The following EBF3 variants were observed in gnomAD, a reference collection of about 807,000 sequenced individuals.
EBF3 encodes EBF transcription factor 3.
EBF3 carries 18 observed loss-of-function variants against 77.1 expected under a neutral mutation model. That is an observed-to-expected ratio of 0.23 (90% CI 0.16 to 0.35). The LOEUF is 0.35. Ranked by LOEUF, EBF3 falls within the 10% of genes least tolerant of loss-of-function variation. The probability of loss-of-function intolerance (pLI) is 1.00; values close to 1 mark genes in which losing one functional copy is unlikely to be tolerated. For synonymous variants in EBF3, 350 were observed against 343.5 expected, an observed-to-expected ratio of 1.02 and a Z score of -0.21; for missense variants, 558 against 860.0, an observed-to-expected ratio of 0.65 and a Z score of 4.39.
At chr10:129,956,746 T>C (rs1391893811) in intron 6 of EBF3, among the ~76,000 whole-genome samples, 4 of 152,216 alleles carry the variant, frequency 2.6e-5, no homozygotes, top group Non-Finnish European at 5.9e-5. Context: ...AGTTACATAT[T>C]TGCTACTTGA....
chr10:129,894,894 C>T (rs1349145409), intron 6 of EBF3, among the ~76,000 whole-genome samples: 1 of 152,248 alleles, frequency 6.6e-6, no homozygotes, highest in Non-Finnish European at 1.5e-5. Flanking sequence ...CTGCTGGTGA[C>T]TTCCTACTCA....
At chr10:129,858,353 G>A (rs1851396616) in intron 10 of EBF3, among the ~76,000 whole-genome samples, 1 of 152,204 alleles carries the variant, frequency 6.6e-6, no homozygotes, top group Admixed American at 6.5e-5. Flanking sequence ...CAAGCATGTG[G>A]TAAAGCAGTC....
At chr10:129,866,450 A>G (rs1852019482) in intron 10 of EBF3, among the ~76,000 whole-genome samples, 1 of 152,196 alleles carries the variant, frequency 6.6e-6, no homozygotes, top group Admixed American at 6.5e-5. Flanking sequence ...CTCAACAGCA[A>G]TCCCGAACAA....
At chr10:129,877,591 T>C (rs1383853224) in intron 7 of EBF3, among the ~76,000 whole-genome samples, 177 bp downstream of exon 7, 1 of 151,668 alleles carries the variant, frequency 6.6e-6, no homozygotes, top group African/African-American at 2.4e-5. Context: ...ATACTGAATA[T>C]ACCAGATCAT....
rs762893670 is a variant in EBF3 at position 129,962,238 on chromosome 10, C to G, written c.356-12G>C. 3 of 1,613,974 alleles carry G rather than the reference C, an allele frequency of 1.9e-6. No individual in the cohort carries two copies. The highest frequency in any genetic ancestry group is 2.5e-6 in the Non-Finnish European group (3 of 1,179,940). On this transcript the variant is annotated splice_polypyrimidine_tract_variant and intron_variant, in intron 3 of 16. Transcript: ENST00000440978. ...CTCTGTTCTGACTCCTGCAAAAAAACAGAGACAAATTCTCATCAGGATTTG... is the reference window on the plus strand; with the variant it reads ...CTCTGTTCTGACTCCTGCAAAAAAAGAGAGACAAATTCTCATCAGGATTTG...
intron 5 of EBF3, 54 bp downstream of exon 5, chr10:129,958,880 C>T (rs1859251430): frequency 6.4e-7 from 1 of 1,557,016 alleles, no homozygotes; most frequent in Non-Finnish European, 8.7e-7. Context: ...CCTTTGTAGA[C>T]GCAGCTGGCG....
intron 6 of EBF3, among the ~76,000 whole-genome samples, chr10:129,930,548 C>T (rs575238778): frequency 2.9e-5 from 4 of 137,218 alleles, no homozygotes; most frequent in Admixed American, 1.5e-4. Flanking sequence ...CTCTCATATA[C>T]CTATATCTAT....
intron 6 of EBF3, among the ~76,000 whole-genome samples, chr10:129,910,552 T>C (rs878913166): frequency 1.3e-5 from 2 of 152,138 alleles, no homozygotes; most frequent in Admixed American, 6.5e-5. Context: ...CAAATCTCCA[T>C]GAAAAATATC....
rs1564809144 is a variant in EBF3, at chr10:129,837,230, C to CAACA, written c.*709_*712dup. The CAACA allele has an allele frequency of 6.6e-6, 1 of 152,628 alleles. No homozygotes were observed. Among genetic ancestry groups the CAACA allele is most frequent in the African/African-American group, 2.4e-5 (1 of 41,414 alleles). The allele number at this position is 152,628 out of a possible 1,614,324, so 9.5% of individuals were successfully genotyped here. A position where few individuals can be genotyped will look rare whatever the true frequency, so the allele number is the denominator to read the frequency against. ...TCTAGCAGTGGGAGAATATTGGAAC[C>CAACA]AACAGACAGTAGCATTTTTTCTCTG... On this transcript the variant is annotated 3_prime_UTR_variant, in exon 17 of 17. Transcript: ENST00000440978.
intron 6 of EBF3, among the ~76,000 whole-genome samples, chr10:129,930,899 A>G (rs556342087): frequency 2.0e-5 from 3 of 147,640 alleles, no homozygotes; most frequent in Admixed American, 2.0e-4. Flanking sequence ...ATCTGTCTAT[A>G]TCTATCTCTA....
Position 129,963,698 on chromosome 10 carries a change from A to T in EBF3, c.71T>A (p.Met24Lys). 2.0e-6 allele frequency: 3 copies of T among 1,530,034 alleles called. No homozygotes were observed. The highest frequency in any genetic ancestry group is 2.7e-5 in the East Asian group (1 of 36,500). The allele number at this position is 1,530,034 out of a possible 1,614,324, so 94.8% of individuals were successfully genotyped here. ...TMKEEPLGSG[M>K]NPVRSWMHTA... is the part of the protein sequence containing the mutation. ...GTGCATCCACGAGCGCACCGGGTTCATGCCGCTGCCCAGCGGCTCCTCCTT... is the reference window on the plus strand; with the variant it reads ...GTGCATCCACGAGCGCACCGGGTTCTTGCCGCTGCCCAGCGGCTCCTCCTT... The change falls in exon 1 of 17, where the codon ATG becomes AAG. Residue 24 changes from methionine (M) to lysine (K), a missense_variant. Met to Lys is a moderately conservative substitution (Grantham distance 95, BLOSUM62 -1). Transcript: ENST00000440978. The surrounding 1 kb of genome is among the most constrained non-coding windows in gnomAD (Gnocchi z 7.1).
intron 6 of EBF3, among the ~76,000 whole-genome samples, chr10:129,887,289 T>C (rs1853676552): frequency 6.6e-6 from 1 of 152,244 alleles, no homozygotes; most frequent in African/African-American, 2.4e-5. Flanking sequence ...TTGAAGAGTA[T>C]TCAGGACTAT....
At chr10:129,849,166 G>A (rs528118756) in intron 10 of EBF3, among the ~76,000 whole-genome samples, 4 of 152,190 alleles carry the variant, frequency 2.6e-5, no homozygotes, top group South Asian at 2.1e-4. Flanking sequence ...AATCACGGCC[G>A]GGACTCCGTC....
Position 129,964,236 on chromosome 10 carries a change from C to T in EBF3, c.-468G>A. ...GGCCTGGAGCGGCGCGCGCAGCGGACGGAGGCGCACAAAACTCAGCCCTCT... is the reference window on the plus strand; with the variant it reads ...GGCCTGGAGCGGCGCGCGCAGCGGATGGAGGCGCACAAAACTCAGCCCTCT... On this transcript the variant is annotated 5_prime_UTR_variant, in exon 1 of 17. Coordinates refer to ENST00000440978, the MANE Select transcript of EBF3 (RefSeq NM_001375380.1). The surrounding 1 kb of genome is among the most constrained non-coding windows in gnomAD (Gnocchi z 4.5). 3.0e-6 allele frequency: 3 copies of T among 984,908 alleles called. No individual in the cohort carries two copies. Among genetic ancestry groups the T allele is most frequent in the Non-Finnish European group, 3.6e-6 (3 of 829,768 alleles). The allele number at this position is 984,908 out of a possible 1,614,324, so 61.0% of individuals were successfully genotyped here. A position where few individuals can be genotyped will look rare whatever the true frequency, so the allele number is the denominator to read the frequency against.
Position 129,943,199 on chromosome 10 carries a change from G to A in EBF3, c.554+14059C>T, listed in dbSNP as rs977829577. ...CCAGGCAGCTCTTCATTGGGGCCAG[G>A]CCTGACCCGGCCTTCCCAGTTGGAG... On this transcript the variant is annotated intron_variant, in intron 6 of 16. Transcript: ENST00000440978. The surrounding 1 kb of genome is among the most constrained non-coding windows in gnomAD (Gnocchi z 8.8). 3.9e-5 allele frequency among the ~76,000 whole-genome samples: 6 copies of A among 152,196 alleles called. No individual in the cohort carries two copies. The highest frequency in any genetic ancestry group is 1.4e-4 in the African/African-American group (6 of 41,448).
intron 6 of EBF3, among the ~76,000 whole-genome samples, chr10:129,926,836 G>A (rs1429928876): frequency 6.6e-6 from 1 of 152,194 alleles, no homozygotes; most frequent in East Asian, 1.9e-4. Flanking sequence ...AGGAGCCACG[G>A]CCAGCACTGC....
At chr10:129,951,862 T>C (rs1858707609) in intron 6 of EBF3, among the ~76,000 whole-genome samples, 1 of 152,252 alleles carries the variant, frequency 6.6e-6, no homozygotes, top group Non-Finnish European at 1.5e-5. Context: ...TGTGCCTCCA[T>C]AATGCAGCTC....
At chr10:129,900,360 A>G (rs1196606399) in intron 6 of EBF3, among the ~76,000 whole-genome samples, 2 of 152,210 alleles carry the variant, frequency 1.3e-5, no homozygotes, top group Non-Finnish European at 2.9e-5. Flanking sequence ...AGAAACGCAG[A>G]AAGACCGTTT....
rs138528621 is a variant in EBF3 at position 129,869,754 on chromosome 10, C to T, written c.782-1842G>A. On this transcript the variant is annotated intron_variant, in intron 8 of 16. Coordinates refer to ENST00000440978, the MANE Select transcript of EBF3 (RefSeq NM_001375380.1). ...GCGGGGGTTATATTTGCTCATTCCA[C>T]GCGCATCTCCCTCCGCAGCAGAGGC... Among the ~76,000 whole-genome samples, 1,452 of 152,288 alleles carry T rather than the reference C, an allele frequency of 9.5e-3. 13 individuals carry two copies. Among genetic ancestry groups the T allele is most frequent in the Non-Finnish European group, 0.016 (1,103 of 68,024 alleles).
Sources: allele counts gnomAD v4.1 joint callset (sites outside exome capture counted in the v4.1 genomes callset), GRCh38; gene constraint gnomAD v4.1.1; non-coding constraint Gnocchi (gnomAD v3.1); transcripts MANE v1.5; gene names NCBI Gene and HGNC (gene_info 2026-07-23, HGNC 2026-07-21).